Variants in CCDC149 observed in about 807,000 individuals in gnomAD.
The protein encoded by CCDC149 is coiled-coil domain-containing protein 149.
CCDC149 carries 45 observed loss-of-function variants against 59.9 expected under a neutral mutation model. That is an observed-to-expected ratio of 0.75 (90% CI 0.59 to 0.96). CCDC149 has a LOEUF of 0.96. CCDC149 is among the 40% of genes least tolerant of loss of function. The pLI, the probability that CCDC149 is intolerant of heterozygous loss-of-function variation, is 0.00. For synonymous variants in CCDC149, 245 were observed against 260.6 expected, an observed-to-expected ratio of 0.94 and a Z score of 0.58; for missense variants, 584 against 664.7, an observed-to-expected ratio of 0.88 and a Z score of 1.33.
At chr4:24,893,613 C>T (rs1408145559) in intron 1 of CCDC149, among the ~76,000 whole-genome samples, 255 of 65,860 alleles carry the variant, frequency 3.9e-3, no homozygotes, top group South Asian at 8.6e-3. Flanking sequence ...AAAATACAGA[C>T]TTTTTTTTTT....
At chr4:24,866,047 G>C (rs553371960) in intron 3 of CCDC149, among the ~76,000 whole-genome samples, 1 of 152,264 alleles carries the variant, frequency 6.6e-6, no homozygotes, top group Admixed American at 6.5e-5. Flanking sequence ...TTTAGGTTCT[G>C]AGCAACAAAC....
intron 12 of CCDC149, among the ~76,000 whole-genome samples, chr4:24,818,034 A>G (rs543329691): frequency 4.6e-5 from 7 of 152,268 alleles, no homozygotes; most frequent in Admixed American, 1.3e-4. Context: ...CAGGATGAAG[A>G]TGGGAATAAA....
chr4:24,862,844 A>G (rs1441296045), intron 3 of CCDC149, among the ~76,000 whole-genome samples: 2 of 151,918 alleles, frequency 1.3e-5, no homozygotes, highest in African/African-American at 4.8e-5. Context: ...CCTGAGTTTT[A>G]TTTTTTTCTG....
chr4:24,885,060 G>A (rs1451435701), intron 1 of CCDC149, among the ~76,000 whole-genome samples: 1 of 152,164 alleles, frequency 6.6e-6, no homozygotes, highest in Admixed American at 6.5e-5. Flanking sequence ...TGTGTGTTCA[G>A]AACAGTGAGC....
rs961508413 is a variant in CCDC149, at chr4:24,837,100, G to C, written c.662+128C>G. On this transcript the variant is annotated intron_variant, in intron 6 of 12. Coordinates refer to ENST00000635206, the MANE Select transcript of CCDC149 (RefSeq NM_001330643.2). The surrounding 1 kb of genome is among the most constrained non-coding windows in gnomAD (Gnocchi z 4.3). ...TGGCATTGATGTCATCATTTCGGGG[G>C]AGTGAGTTTCTTTTCACTTGTAAGG... 1.2e-6 allele frequency: 1 copy of C among 837,174 alleles called. No individual in the cohort carries two copies. Among genetic ancestry groups the C allele is most frequent in the Non-Finnish European group, 1.8e-6 (1 of 544,370 alleles). The allele number at this position is 837,174 out of a possible 1,614,324, so 51.9% of individuals were successfully genotyped here.
rs184525289 is a variant in CCDC149 at position 24,808,419 on chromosome 4, G to C, written c.1593C>G (p.Gly531=). 6.9e-7 allele frequency: 1 copy of C among 1,457,638 alleles called. No individual in the cohort carries two copies. Among genetic ancestry groups the C allele is most frequent in the Non-Finnish European group, 9.1e-7 (1 of 1,103,918 alleles). 90.3% of individuals were successfully genotyped at this position (1,457,638 alleles called of 1,614,324 possible). A position where few individuals can be genotyped will look rare whatever the true frequency, so the allele number is the denominator to read the frequency against. Residue 531 remains glycine, a synonymous_variant, in exon 13 of 13, where the codon GGC becomes GGG. Coordinates refer to ENST00000635206, the MANE Select transcript of CCDC149 (RefSeq NM_001330643.2). Reference sequence around the variant, plus strand: ...TTTTCACGGTGCTCCTCATGCCTCCGCCCTCTGGGATCCCTTTGCCGTCTT... The same window carrying C: ...TTTTCACGGTGCTCCTCATGCCTCCCCCCTCTGGGATCCCTTTGCCGTCTT...
At chr4:24,808,841 C>T (rs878932405) in intron 12 of CCDC149, 22 bp from the exon 13 acceptor site, 2 of 1,522,234 alleles carry the variant, frequency 1.3e-6, no homozygotes, top group Non-Finnish European at 8.8e-7. Flanking sequence ...ACGAGGACAA[C>T]ATTAAACCTC....
intron 1 of CCDC149, among the ~76,000 whole-genome samples, chr4:24,920,114 G>T (rs950160376): frequency 6.6e-6 from 1 of 152,170 alleles, no homozygotes; most frequent in Non-Finnish European, 1.5e-5. Context: ...GCAGAATTCT[G>T]GTTGTCTATT....
intron 4 of CCDC149, among the ~76,000 whole-genome samples, chr4:24,849,395 C>T (rs1333673916): frequency 6.6e-6 from 1 of 152,192 alleles, no homozygotes; most frequent in African/African-American, 2.4e-5. Flanking sequence ...TCACATCTCT[C>T]ATCTGGTTTG....
chr4:24,906,726 C>T (rs930654542), intron 1 of CCDC149, among the ~76,000 whole-genome samples: 1 of 152,094 alleles, frequency 6.6e-6, no homozygotes, highest in Non-Finnish European at 1.5e-5. Context: ...AAACTTGCCC[C>T]ACCTTGGGCA....
intron 3 of CCDC149, among the ~76,000 whole-genome samples, chr4:24,858,277 T>C (rs1208268727): frequency 6.6e-6 from 1 of 152,212 alleles, no homozygotes; most frequent in Non-Finnish European, 1.5e-5. Context: ...CAGGGAAAAG[T>C]GGCAGCCTGC....
At chr4:24,888,203 T>C (rs1169429907) in intron 1 of CCDC149, among the ~76,000 whole-genome samples, 1 of 152,224 alleles carries the variant, frequency 6.6e-6, no homozygotes, top group Non-Finnish European at 1.5e-5. Context: ...GCACAGCTCC[T>C]GGCCCACAGT....
chr4:24,934,539 C>T (rs958297002), intron 1 of CCDC149, among the ~76,000 whole-genome samples: 3 of 152,230 alleles, frequency 2.0e-5, no homozygotes, highest in Non-Finnish European at 2.9e-5. Flanking sequence ...TTGGTCAAAG[C>T]AGGCCACAAA....
intron 3 of CCDC149, among the ~76,000 whole-genome samples, chr4:24,858,033 A>C (rs1469978462): frequency 6.6e-6 from 1 of 152,206 alleles, no homozygotes. Context: ...AACAGCAAAA[A>C]AAAAAGAAAG....
intron 1 of CCDC149, among the ~76,000 whole-genome samples, chr4:24,957,438 T>C (rs1723498847): frequency 1.3e-5 from 2 of 152,360 alleles, no homozygotes. Flanking sequence ...TACTGATTTA[T>C]TGACTTGATA....
rs1336815762 is a variant in CCDC149 at position 24,807,343 on chromosome 4, AGTT to A, written c.*1043_*1045del. ...ATCCCCCCTTGCCATGCTGTTGTGAAGTTGTTTTGTTTTCCTCTCTCTTTCCCA... is the reference window on the plus strand; with the variant it reads ...ATCCCCCCTTGCCATGCTGTTGTGAAGTTTTGTTTTCCTCTCTCTTTCCCA... On this transcript the variant is annotated 3_prime_UTR_variant, in exon 13 of 13. Coordinates refer to ENST00000635206, the MANE Select transcript of CCDC149 (RefSeq NM_001330643.2). 1 of 152,146 alleles carries A rather than the reference AGTT, an allele frequency of 6.6e-6. No homozygotes were observed. Among genetic ancestry groups the A allele is most frequent in the Non-Finnish European group, 1.5e-5 (1 of 68,102 alleles). The allele number at this position is 152,146 out of a possible 1,614,324, so 9.4% of individuals were successfully genotyped here.
chr4:24,952,721 A>T (rs964824937), intron 1 of CCDC149, among the ~76,000 whole-genome samples: 1 of 146,128 alleles, frequency 6.8e-6, no homozygotes, highest in African/African-American at 2.5e-5. Flanking sequence ...TAAGTGTGCA[A>T]TTCATTGATA....
At chr4:24,970,291 A>G (rs903818696) in intron 1 of CCDC149, among the ~76,000 whole-genome samples, 1 of 152,190 alleles carries the variant, frequency 6.6e-6, no homozygotes, top group Non-Finnish European at 1.5e-5. Context: ...ACAGCTGTGG[A>G]TGGCTGGCCT....
chr4:24,886,874 T>A (rs935617189), intron 1 of CCDC149, among the ~76,000 whole-genome samples: 10 of 152,086 alleles, frequency 6.6e-5, no homozygotes, highest in Non-Finnish European at 1.2e-4. Flanking sequence ...AGGTAATCAG[T>A]GACACACGAA....
Sources: gnomAD v4.1 joint callset for allele counts (sites outside exome capture counted in the v4.1 genomes callset) on GRCh38, gnomAD v4.1.1 for gene constraint, Gnocchi (gnomAD v3.1) non-coding constraint, MANE v1.5 for transcripts, NCBI Gene and HGNC (gene_info 2026-07-23, HGNC 2026-07-21) for gene names.